NSMCE1: variants seen among roughly 807,000 people sequenced by gnomAD.
NSMCE1 encodes the protein NSE1 component of SMC5/6 complex, also known as non-structural maintenance of chromosomes element 1 homolog.
Under a neutral mutation model 29.6 loss-of-function variants are expected in NSMCE1, and 18 were observed. The observed-to-expected ratio is 0.61, with a 90% CI of 0.42 to 0.90. NSMCE1 has a LOEUF of 0.90. Among genes scored for constraint, NSMCE1 ranks in the 40% least tolerant of loss-of-function variants. The pLI, the probability that NSMCE1 is intolerant of heterozygous loss-of-function variation, is 0.00. For missense variants in NSMCE1, 314 were observed against 343.6 expected (o/e 0.91, Z 0.68); for synonymous variants, 124 against 133.4 (o/e 0.93, Z 0.49).
Position 27,257,797 on chromosome 16 carries a change from A to T in NSMCE1, c.-11-216T>A, listed in dbSNP as rs1286472441. Among the ~76,000 whole-genome samples the T allele has an allele frequency of 2.0e-5, 3 of 152,150 alleles. No homozygotes were observed. The East Asian group carries it at 5.8e-4, about 29-fold the overall frequency. ...TGGATTCTGGAGCTAGAATGCCGGGATTCAGGGCCTGGCTCTCCCACTTAC... is the reference window on the plus strand; with the variant it reads ...TGGATTCTGGAGCTAGAATGCCGGGTTTCAGGGCCTGGCTCTCCCACTTAC... On this transcript the variant is annotated intron_variant, in intron 1 of 7. Transcript: ENST00000361439.
At chr16:27,245,287 A>G (rs1272289471) in intron 2 of NSMCE1, among the ~76,000 whole-genome samples, 3 of 152,254 alleles carry the variant, frequency 2.0e-5, no homozygotes, top group African/African-American at 4.8e-5. Context: ...ACTTGAATTC[A>G]TGCCTTTGAA....
intron 3 of NSMCE1, 54 bp from the exon 4 acceptor site, chr16:27,234,319 C>T (rs374050262): frequency 5.2e-5 from 64 of 1,239,124 alleles, no homozygotes; most frequent in African/African-American, 1.9e-4. Context: ...TGTTGGTTAA[C>T]GTGTCGCTGG....
At chr16:27,244,410 C>A (rs1158277201) in intron 2 of NSMCE1, among the ~76,000 whole-genome samples, 91 of 152,220 alleles carry the variant, frequency 6.0e-4, no homozygotes, top group Non-Finnish European at 7.3e-5. Flanking sequence ...CTCTAGCCTT[C>A]TCCATCTGTC....
intron 6 of NSMCE1, 31 bp from the exon 7 acceptor site, chr16:27,225,877 C>A (rs1289725134): frequency 1.2e-6 from 2 of 1,612,098 alleles, no homozygotes; most frequent in Non-Finnish European, 1.7e-6. Context: ...GACGGCGGAG[C>A]TGGTGCACAC....
rs1050299673 is a variant in NSMCE1, at chr16:27,235,298, G to C, written c.138C>G (p.Arg46=). 6.2e-7 allele frequency: 1 copy of C among 1,612,770 alleles called. No homozygotes were observed. The highest frequency in any genetic ancestry group is 1.7e-5 in the Admixed American group (1 of 59,674). ...CCTCCAACTTATCTACGGTGGCATT[G>C]CCTGGAAATAAACAGACCAAAAAAA... ...LQTHCYKVHD[R]NATVDKLEDF... Residue 46 remains arginine (R), a splice_region_variant and synonymous_variant, in exon 3 of 8, where the codon CGC becomes CGG. Coordinates refer to ENST00000361439, the MANE Select transcript of NSMCE1 (RefSeq NM_145080.4).
intron 5 of NSMCE1, among the ~76,000 whole-genome samples, chr16:27,229,515 C>T (rs578066456): frequency 1.3e-5 from 2 of 152,314 alleles, no homozygotes; most frequent in African/African-American, 4.8e-5. Context: ...GCACTGATCC[C>T]AAAGGAATGC....
At chr16:27,264,668 G>A (rs1453668869) in intron 1 of NSMCE1, among the ~76,000 whole-genome samples, 1 of 152,068 alleles carries the variant, frequency 6.6e-6, no homozygotes, top group African/African-American at 2.4e-5. Context: ...GAAAAATACT[G>A]TAAGACTTTT....
At chr16:27,246,208 T>C (rs2083956495) in intron 2 of NSMCE1, among the ~76,000 whole-genome samples, 1 of 152,250 alleles carries the variant, frequency 6.6e-6, no homozygotes, top group African/African-American at 2.4e-5. Context: ...TTCAGCGACC[T>C]GGTTTTTGCC....
chr16:27,264,600 G>T (rs2084198995), intron 1 of NSMCE1, among the ~76,000 whole-genome samples: 1 of 152,138 alleles, frequency 6.6e-6, no homozygotes, highest in Non-Finnish European at 1.5e-5. Context: ...AATAAAATTT[G>T]ATTCTTACCT....
At chr16:27,251,207 T>TGA (rs1555477431) in intron 2 of NSMCE1, among the ~76,000 whole-genome samples, 1 of 70,770 alleles carries the variant, frequency 1.4e-5, no homozygotes, top group Non-Finnish European at 2.9e-5. Context: ...TATATATATA[T>TGA]AAAACTCTGT....
rs1238423977 is a variant in NSMCE1 at position 27,226,799 on chromosome 16, A to G, written c.521T>C (p.Leu174Pro). ...CTCCCGGATGTATTGCTCCATCTCC[A>G]GGATGGCCCGGCCGTGCAGGGTGAA... ...GEFTLHGRAI[L>P]EMEQYIRETY... Residue 174 changes from leucine (L) to proline (P), a missense_variant, in exon 6 of 8, where the codon CTG becomes CCG. By Grantham distance (98) the Leu-to-Pro change is moderately conservative. Transcript: ENST00000361439. 6.2e-7 allele frequency: 1 copy of G among 1,613,670 alleles called. No homozygotes were observed. Among genetic ancestry groups the G allele is most frequent in the African/African-American group, 1.3e-5 (1 of 74,920 alleles).
chr16:27,252,740 G>A (rs1184990938), intron 2 of NSMCE1, among the ~76,000 whole-genome samples: 1 of 151,990 alleles, frequency 6.6e-6, no homozygotes, highest in African/African-American at 2.4e-5. Flanking sequence ...CCAACATGGT[G>A]AAACCCCATC....
At chr16:27,251,191 A>AGT (rs1555477411) in intron 2 of NSMCE1, among the ~76,000 whole-genome samples, 1 of 32,356 alleles carries the variant, frequency 3.1e-5, no homozygotes, top group Non-Finnish European at 5.6e-5. Context: ...TATATATATA[A>AGT]ATATATATAT....
rs373704219 is a variant in NSMCE1, at chr16:27,235,316, C to T, written c.137-17G>A. ...TGGCATTGCCTGGAAATAAACAGAC[C>T]AAAAAAAGGGGGGTGACCAGGGGGC... On this transcript the variant is annotated splice_polypyrimidine_tract_variant and intron_variant, in intron 2 of 7. Transcript: ENST00000361439. 5.0e-6 allele frequency: 8 copies of T among 1,603,506 alleles called. 1 individual carries two copies. The highest frequency in any genetic ancestry group is 6.8e-6 in the Non-Finnish European group (8 of 1,177,004).
At chr16:27,226,465 A>G in intron 6 of NSMCE1, 1 of 462,958 alleles carries the variant, frequency 2.2e-6, no homozygotes, top group Non-Finnish European at 3.9e-6. Flanking sequence ...AGCCTTCCTG[A>G]GAAAAATAAA....
Position 27,235,213 on chromosome 16 carries a change from C to T in NSMCE1, c.223G>A (p.Val75Ile). The change falls in exon 3 of 8, where the codon GTC becomes ATC. Residue 75 changes from valine to isoleucine, a missense_variant. Val to Ile is a conservative substitution (Grantham distance 29, BLOSUM62 3). Transcript: ENST00000361439. ...ATGGGTCTCCCATCATCTTCCGTGA[C>T]TCCTCTCTTTATCTCAATATACAAG... is the stretch of plus-strand genomic sequence containing the variant. ...ESLYIEIKRGVTEDDGRPIYA... is the reference protein window; with the variant it reads ...ESLYIEIKRGITEDDGRPIYA... 6.2e-7 allele frequency: 1 copy of T among 1,613,982 alleles called. No individual in the cohort carries two copies. The highest frequency in any genetic ancestry group is 1.3e-5 in the African/African-American group (1 of 75,006).
chr16:27,232,933 G>A lies in NSMCE1; in HGVS notation c.483+68C>T, dbSNP rs1257362536. 2.3e-5 allele frequency: 36 copies of A among 1,555,184 alleles called. No homozygotes were observed. Among genetic ancestry groups the A allele is most frequent in the South Asian group, 2.2e-4 (19 of 86,090 alleles). On this transcript the variant is annotated intron_variant, in intron 5 of 7. Coordinates refer to ENST00000361439, the MANE Select transcript of NSMCE1 (RefSeq NM_145080.4). The surrounding 1 kb of genome is among the most constrained non-coding windows in gnomAD (Gnocchi z 4.5). ...TCAGACATCAGTTGGCTACAAGTACGATTTTGGAGAAAAAACTGTTATTCA... is the reference window on the plus strand; with the variant it reads ...TCAGACATCAGTTGGCTACAAGTACAATTTTGGAGAAAAAACTGTTATTCA...
At chr16:27,233,399 G>T (rs1434648546) in intron 4 of NSMCE1, among the ~76,000 whole-genome samples, 1 of 152,168 alleles carries the variant, frequency 6.6e-6, no homozygotes, top group Non-Finnish European at 1.5e-5. Context: ...AATCAAAGAG[G>T]GTCGCCTTGC....
intron 1 of NSMCE1, among the ~76,000 whole-genome samples, chr16:27,259,240 C>T (rs1388186423): frequency 6.6e-6 from 1 of 152,188 alleles, no homozygotes; most frequent in Non-Finnish European, 1.5e-5. Flanking sequence ...AAGTCCTTCT[C>T]TTTGCAAATC....
Sources: allele counts gnomAD v4.1 joint callset (sites outside exome capture counted in the v4.1 genomes callset), GRCh38; gene constraint gnomAD v4.1.1; non-coding constraint Gnocchi (gnomAD v3.1); transcripts MANE v1.5; gene names NCBI Gene and HGNC (gene_info 2026-07-23, HGNC 2026-07-21).